Variants in SYT9 observed in about 807,000 individuals in gnomAD.
SYT9 encodes synaptotagmin-9.
In SYT9, 22 loss-of-function variants were observed where a neutral mutation model predicts 48.4. That is an observed-to-expected ratio of 0.45 (90% CI 0.32 to 0.65). The LOEUF (loss-of-function observed/expected upper bound fraction) is 0.65, where lower values mean the gene tolerates loss of function less well. Ranked by LOEUF, SYT9 falls within the 30% of genes least tolerant of loss-of-function variation. SYT9 has a pLI of 0.03. For missense variants in SYT9, 577 were observed against 622.0 expected (o/e 0.93, Z 0.77); for synonymous variants, 265 against 245.0 (o/e 1.08, Z -0.76).
chr11:7,452,376 G>C (rs4312043), intron 6 of SYT9, among the ~76,000 whole-genome samples: 1 of 151,984 alleles, frequency 6.6e-6, no homozygotes, highest in Admixed American at 6.5e-5. Context: ...CTCTGACTCT[G>C]TCCACTGCTT....
chr11:7,252,031 G>A lies in SYT9; in HGVS notation c.-156G>A. The A allele has an allele frequency of 1.2e-6, 1 of 857,262 alleles. No individual in the cohort carries two copies. The highest frequency in any genetic ancestry group is 3.1e-5 in the South Asian group (1 of 32,138). 53.1% of individuals were successfully genotyped at this position (857,262 alleles called of 1,614,324 possible). On this transcript the variant is annotated 5_prime_UTR_variant, in exon 1 of 7. Coordinates refer to ENST00000318881, the MANE Select transcript of SYT9 (RefSeq NM_175733.4). This position sits in a 1 kb window ranked among gnomAD's most constrained non-coding sequence, Gnocchi z 6.3. ...CATGCAACCGGTGGGAGGCCGGGCC[G>A]GCTGGGTCTGGGGCTCGGGCTCAGG...
intron 1 of SYT9, among the ~76,000 whole-genome samples, chr11:7,271,180 T>G (rs12292264): frequency 6.6e-6 from 1 of 152,134 alleles, no homozygotes; most frequent in Non-Finnish European, 1.5e-5. Context: ...TATAAAATAA[T>G]ATAATATATA....
chr11:7,303,189 T>C lies in SYT9; in HGVS notation c.296T>C (p.Leu99Pro). ...SGSKDNNQEP[L>P]NYMDTETNEQ... ...AGCAAAGACAACAACCAGGAGCCCC[T>C]TAACTACATGGACACAGAGACCAAT... The change falls in exon 2 of 7, where the codon CTT becomes CCT. Residue 99 changes from leucine to proline, a missense_variant. Physicochemically the swap from Leu to Pro is moderately conservative, Grantham distance 98 (BLOSUM62 -3). Coordinates refer to ENST00000318881, the MANE Select transcript of SYT9 (RefSeq NM_175733.4). The C allele has an allele frequency of 6.2e-7, 1 of 1,614,066 alleles. No homozygotes were observed. The highest frequency in any genetic ancestry group is 1.6e-4 in the Middle Eastern group (1 of 6,062).
chr11:7,281,558 G>A (rs945706245), intron 1 of SYT9, among the ~76,000 whole-genome samples: 5 of 152,154 alleles, frequency 3.3e-5, no homozygotes, highest in Admixed American at 1.3e-4. Context: ...ATTAAAATTC[G>A]ATGGCAGCCT....
chr11:7,385,310 G>C (rs190348831), intron 3 of SYT9, among the ~76,000 whole-genome samples: 2 of 151,474 alleles, frequency 1.3e-5, no homozygotes, highest in African/African-American at 4.9e-5. Flanking sequence ...ATGAAGAATA[G>C]AGGAATGAAC....
intron 1 of SYT9, among the ~76,000 whole-genome samples, chr11:7,287,178 AG>A (rs1848611953): frequency 6.6e-6 from 1 of 152,196 alleles, no homozygotes; most frequent in African/African-American, 2.4e-5. Flanking sequence ...TCATGGCAGA[AG>A]GGGAAGCAAC....
At position 7,405,052 on chromosome 11, in the gene SYT9, C is replaced by G. The variant is rs368120923; in HGVS notation, c.1045-10990C>G. Reference sequence around the variant, plus strand: ...CCCTTGTGCTTTCCAGGGTACCCAGCTGTCAGTAACACTTCTTCACATCTG... The same window carrying G: ...CCCTTGTGCTTTCCAGGGTACCCAGGTGTCAGTAACACTTCTTCACATCTG... On this transcript the variant is annotated intron_variant, in intron 3 of 6. Coordinates refer to ENST00000318881, the MANE Select transcript of SYT9 (RefSeq NM_175733.4). Among the ~76,000 whole-genome samples, 7 of 149,000 alleles carry G rather than the reference C, an allele frequency of 4.7e-5. No individual in the cohort carries two copies. The South Asian group carries it at 1.1e-3, about 23-fold the overall frequency.
intron 1 of SYT9, among the ~76,000 whole-genome samples, chr11:7,296,580 T>G (rs1273158781): frequency 6.6e-6 from 1 of 152,212 alleles, no homozygotes; most frequent in Non-Finnish European, 1.5e-5. Flanking sequence ...TCCTTCTTCT[T>G]CCTGTGTCTC....
chr11:7,465,579 T>C (rs1210550782), intron 6 of SYT9, among the ~76,000 whole-genome samples: 1 of 152,244 alleles, frequency 6.6e-6, no homozygotes, highest in African/African-American at 2.4e-5. Context: ...GAGATACTGC[T>C]AGTCTAAGTC....
intron 3 of SYT9, among the ~76,000 whole-genome samples, chr11:7,346,159 T>A (rs1849796016): frequency 6.6e-6 from 1 of 152,038 alleles, no homozygotes; most frequent in Admixed American, 6.5e-5. Flanking sequence ...GGAAAGCAAA[T>A]GACAGGAACA....
intron 1 of SYT9, among the ~76,000 whole-genome samples, chr11:7,246,248 C>T (rs950924686): frequency 6.6e-6 from 1 of 152,150 alleles, no homozygotes; most frequent in African/African-American, 2.4e-5. Flanking sequence ...TGGCCTAGTC[C>T]CTTACCCCCA....
intron 1 of SYT9, among the ~76,000 whole-genome samples, chr11:7,268,623 T>A (rs1001328984): frequency 6.6e-6 from 1 of 151,978 alleles, no homozygotes; most frequent in Non-Finnish European, 1.5e-5. Flanking sequence ...TTTTGGTTGT[T>A]GTTTTATATA....
chr11:7,275,526 G>C (rs11041295), intron 1 of SYT9, among the ~76,000 whole-genome samples: 1 of 152,036 alleles, frequency 6.6e-6, no homozygotes, highest in Non-Finnish European at 1.5e-5. Flanking sequence ...CCCCTTAAAT[G>C]TTGGCATTTT....
Position 7,303,265 on chromosome 11 carries a change from C to A in SYT9, c.372C>A (p.Asp124Glu). ...TAGATCCTCCCACGCCCTGCCCTGA[C>A]TCCTCCATGAAGATCAGCCACACCT... ...DFLDPPTPCPDSSMKISHTSP... is the reference protein window; with the variant it reads ...DFLDPPTPCPESSMKISHTSP... The change falls in exon 2 of 7, where the codon GAC becomes GAA. Residue 124 changes from aspartate to glutamate, a missense_variant. Physicochemically the swap from Asp to Glu is conservative, Grantham distance 45. Transcript: ENST00000318881. 1.2e-6 allele frequency: 2 copies of A among 1,613,918 alleles called. No individual in the cohort carries two copies. The highest frequency in any genetic ancestry group is 1.7e-6 in the Non-Finnish European group (2 of 1,179,826).
At chr11:7,370,002 A>G (rs940523947) in intron 3 of SYT9, among the ~76,000 whole-genome samples, 2 of 152,096 alleles carry the variant, frequency 1.3e-5, no homozygotes, top group South Asian at 2.1e-4. Context: ...CTCATCACAC[A>G]TGCAGTATAC....
rs1849186882 is a variant in SYT9 at position 7,313,747 on chromosome 11, G to A, written c.850G>A (p.Val284Met). 1 of 1,614,162 alleles carries A rather than the reference G, an allele frequency of 6.2e-7. No homozygotes were observed. The highest frequency in any genetic ancestry group is 8.5e-7 in the Non-Finnish European group (1 of 1,180,010). ...TKVHRKTLNP[V>M]FDEVFLFPVP... is the part of the protein sequence containing the mutation. ...AGTTCACAGAAAGACCCTGAACCCT[G>A]TGTTTGATGAAGTGTTTTTATTTCC... Residue 284 changes from valine to methionine, a missense_variant, in exon 3 of 7, where the codon GTG becomes ATG. By Grantham distance (21) the Val-to-Met change is conservative. Transcript: ENST00000318881.
chr11:7,275,407 G>T (rs1442769594), intron 1 of SYT9, among the ~76,000 whole-genome samples: 1 of 152,156 alleles, frequency 6.6e-6, no homozygotes, highest in Non-Finnish European at 1.5e-5. Flanking sequence ...CATTTCAGTG[G>T]TTGGAATCCT....
intron 3 of SYT9, among the ~76,000 whole-genome samples, chr11:7,408,772 G>A (rs921136467): frequency 1.3e-5 from 2 of 151,988 alleles, no homozygotes; most frequent in Admixed American, 6.6e-5. Context: ...GCAAAGAAAT[G>A]GTTGACTTCC....
At chr11:7,333,704 G>A (rs1229273395) in intron 3 of SYT9, among the ~76,000 whole-genome samples, 1 of 152,210 alleles carries the variant, frequency 6.6e-6, no homozygotes, top group East Asian at 1.9e-4. Flanking sequence ...TTTTGCATGA[G>A]TGGGCTGAGA....
Sources: gnomAD v4.1 joint callset for allele counts (sites outside exome capture counted in the v4.1 genomes callset) on GRCh38, gnomAD v4.1.1 for gene constraint, Gnocchi (gnomAD v3.1) non-coding constraint, MANE v1.5 for transcripts, NCBI Gene and HGNC (gene_info 2026-07-23, HGNC 2026-07-21) for gene names.